OLA1: variants seen among roughly 807,000 people sequenced by gnomAD.
The protein encoded by OLA1 is obg-like ATPase 1.
Under a neutral mutation model 48.4 loss-of-function variants are expected in OLA1, and 14 were observed. The ratio of observed to expected loss-of-function variants is 0.29; its 90% CI spans 0.19 to 0.45. The LOEUF is 0.45. OLA1 is among the 20% of genes least tolerant of loss of function. OLA1 has a pLI of 1.00. For missense variants in OLA1, 325 were observed against 467.1 expected, an observed-to-expected ratio of 0.70 and a Z score of 2.80; for synonymous variants, 127 against 150.4, an observed-to-expected ratio of 0.84 and a Z score of 1.14.
chr2:174,140,817 T>A (rs944866687), intron 5 of OLA1, among the ~76,000 whole-genome samples: 1 of 152,230 alleles, frequency 6.6e-6, no homozygotes, highest in Admixed American at 6.5e-5. Flanking sequence ...TATAAATTGG[T>A]TGATAATTAC....
intron 3 of OLA1, among the ~76,000 whole-genome samples, chr2:174,228,520 T>C (rs1267992614): frequency 6.6e-6 from 1 of 152,204 alleles, no homozygotes; most frequent in East Asian, 1.9e-4. Context: ...CCTCTCATTA[T>C]ATATTTCCCT....
At chr2:174,095,539 T>C (rs1439120343) in intron 7 of OLA1, among the ~76,000 whole-genome samples, 5 of 152,100 alleles carry the variant, frequency 3.3e-5, no homozygotes, top group African/African-American at 1.2e-4. Flanking sequence ...GATGGGTTGT[T>C]TGTTGTAAAG....
At chr2:174,158,752 CAG>C (rs962020199) in intron 4 of OLA1, among the ~76,000 whole-genome samples, 3 of 152,134 alleles carry the variant, frequency 2.0e-5, no homozygotes, top group Non-Finnish European at 4.4e-5. Context: ...GAGCAAAAAA[CAG>C]GGGGACTATT....
chr2:174,130,740 G>A (rs1317358677), intron 5 of OLA1, among the ~76,000 whole-genome samples: 1 of 152,058 alleles, frequency 6.6e-6, no homozygotes, highest in East Asian at 1.9e-4. Flanking sequence ...TAGAGTCATA[G>A]AAAAAACACA....
At chr2:174,224,775 A>G (rs1688579307) in intron 3 of OLA1, among the ~76,000 whole-genome samples, 1 of 152,166 alleles carries the variant, frequency 6.6e-6, no homozygotes, top group African/African-American at 2.4e-5. Flanking sequence ...TGTGACCACA[A>G]GGGGAAGACA....
intron 7 of OLA1, among the ~76,000 whole-genome samples, chr2:174,112,570 A>G (rs76432461): frequency 0.064 from 9,815 of 152,244 alleles, 452 homozygotes; most frequent in Non-Finnish European, 0.1. Context: ...GGGAAGTGGG[A>G]CCTTTAAGAG....
intron 4 of OLA1, among the ~76,000 whole-genome samples, chr2:174,145,092 T>C (rs1373040078): frequency 6.7e-6 from 1 of 150,044 alleles, no homozygotes; most frequent in Non-Finnish European, 1.5e-5. Context: ...AAAATGAGGA[T>C]GCTTCTACCT....
At chr2:174,188,228 GT>G (rs1292703432) in intron 4 of OLA1, among the ~76,000 whole-genome samples, 5 of 152,082 alleles carry the variant, frequency 3.3e-5, no homozygotes, top group Admixed American at 2.6e-4. Flanking sequence ...AATCAGAGAG[GT>G]TGTTAAGACA....
At chr2:174,227,426 C>G (rs976566414) in intron 3 of OLA1, among the ~76,000 whole-genome samples, 1 of 152,024 alleles carries the variant, frequency 6.6e-6, no homozygotes, top group Non-Finnish European at 1.5e-5. Context: ...TGATGTTTTA[C>G]TATGGTTGTG....
At chr2:174,220,690 G>A (rs1688481113) in intron 4 of OLA1, among the ~76,000 whole-genome samples, 1 of 152,070 alleles carries the variant, frequency 6.6e-6, no homozygotes. Context: ...TTTTAAACAA[G>A]TATATGTGTT....
chr2:174,185,527 T>G (rs1429904231), intron 4 of OLA1, among the ~76,000 whole-genome samples: 2 of 152,184 alleles, frequency 1.3e-5, no homozygotes, highest in Non-Finnish European at 2.9e-5. Context: ...TTTTTTTATA[T>G]TCAACCTATA....
At chr2:174,122,737 CTTT>C (rs57470671) in intron 7 of OLA1, among the ~76,000 whole-genome samples, 3 of 136,678 alleles carry the variant, frequency 2.2e-5, no homozygotes, top group Admixed American at 7.4e-5. Flanking sequence ...CACACACAGT[CTTT>C]TTTTTTTTTT....
At chr2:174,095,420 C>G (rs2105349032) in intron 7 of OLA1, among the ~76,000 whole-genome samples, 1 of 136,280 alleles carries the variant, frequency 7.3e-6, no homozygotes, top group African/African-American at 2.8e-5. Context: ...TTTTGATTTG[C>G]ATTTCTCTTA....
intron 7 of OLA1, among the ~76,000 whole-genome samples, chr2:174,093,526 A>C (rs1189009156): frequency 6.6e-6 from 1 of 152,038 alleles, no homozygotes; most frequent in Non-Finnish European, 1.5e-5. Context: ...GCCACCACCA[A>C]CAAAAAAACA....
intron 4 of OLA1, among the ~76,000 whole-genome samples, chr2:174,193,819 T>C (rs1303894197): frequency 6.6e-6 from 1 of 152,160 alleles, no homozygotes; most frequent in Non-Finnish European, 1.5e-5. Context: ...ATTAGAAACC[T>C]GTTAGTTTGA....
chr2:174,145,004 G>A (rs1431718355), intron 4 of OLA1, among the ~76,000 whole-genome samples: 2 of 122,222 alleles, frequency 1.6e-5, no homozygotes, highest in African/African-American at 3.1e-5. Context: ...TATATATTCC[G>A]TGAACTCAGA....
At chr2:174,099,484 C>T (rs1685340673) in intron 7 of OLA1, among the ~76,000 whole-genome samples, 1 of 152,144 alleles carries the variant, frequency 6.6e-6, no homozygotes, top group Non-Finnish European at 1.5e-5. Context: ...ATCAATACCA[C>T]TCTAAGTAGC....
At chr2:174,163,724 A>T (rs1430732042) in intron 4 of OLA1, among the ~76,000 whole-genome samples, 2 of 8,620 alleles carry the variant, frequency 2.3e-4, no homozygotes, top group African/African-American at 8.2e-4. Context: ...ATATATATAT[A>T]TATATATATA....
intron 4 of OLA1, among the ~76,000 whole-genome samples, chr2:174,144,945 A>T (rs1190450527): frequency 0.034 from 2,272 of 66,408 alleles, 33 homozygotes; most frequent in Non-Finnish European, 0.045. Context: ...AAAAAAAAAA[A>T]AAAAAAATAT....
Sources: allele counts gnomAD v4.1 joint callset (sites outside exome capture counted in the v4.1 genomes callset), GRCh38; gene constraint gnomAD v4.1.1; transcripts MANE v1.5; gene names NCBI Gene and HGNC (gene_info 2026-07-23, HGNC 2026-07-21).